Variants in UBL3 observed in about 807,000 individuals in gnomAD.
UBL3 encodes the protein ubiquitin like 3.
UBL3 carries 6 observed loss-of-function variants against 18.4 expected under a neutral mutation model. That is an observed-to-expected ratio of 0.33 (90% CI 0.18 to 0.64). UBL3 has a LOEUF of 0.64. Among genes scored for constraint, UBL3 ranks in the 30% least tolerant of loss-of-function variants. The pLI is 0.76. For missense variants in UBL3, 109 were observed against 142.9 expected, an observed-to-expected ratio of 0.76 and a Z score of 1.21; for synonymous variants, 49 against 46.6, an observed-to-expected ratio of 1.05 and a Z score of -0.21.
chr13:29,788,898 T>C (rs1337525812), intron 1 of UBL3, among the ~76,000 whole-genome samples: 100 of 17,678 alleles, frequency 5.7e-3, no homozygotes, highest in African/African-American at 0.016. Context: ...CGCACGTGTG[T>C]GCGTGTGTGT....
At chr13:29,769,645 T>G (rs1565987488) in intron 3 of UBL3, among the ~76,000 whole-genome samples, 2 of 152,114 alleles carry the variant, frequency 1.3e-5, no homozygotes, top group Admixed American at 1.3e-4. Context: ...AATGCTAATC[T>G]GGGCCATACT....
intron 1 of UBL3, among the ~76,000 whole-genome samples, chr13:29,833,924 A>G (rs1878850509): frequency 6.6e-6 from 1 of 152,186 alleles, no homozygotes; most frequent in Non-Finnish European, 1.5e-5. Context: ...GCAGTGGCTC[A>G]CGCCTGTAAT....
intron 1 of UBL3, 68 bp from the exon 2 acceptor site, chr13:29,777,331 G>A: frequency 7.9e-7 from 1 of 1,268,428 alleles, no homozygotes; most frequent in Non-Finnish European, 1.1e-6. Flanking sequence ...AAGACTCAAA[G>A]GCTTTTCATT....
intron 1 of UBL3, among the ~76,000 whole-genome samples, chr13:29,835,153 T>TATATATATATATATATATAA (rs1878921912): frequency 3.6e-4 from 11 of 30,498 alleles, no homozygotes; most frequent in Admixed American, 1.7e-3. Context: ...TATATATATA[T>TATATATATATATATATATAA]ATATATATAT....
chr13:29,839,744 G>A (rs889559536), intron 1 of UBL3, among the ~76,000 whole-genome samples: 18 of 152,112 alleles, frequency 1.2e-4, no homozygotes, highest in Non-Finnish European at 1.8e-4. Flanking sequence ...TGGCTAACAC[G>A]GTGAGACCCC....
chr13:29,821,113 C>T (rs1302455060), intron 1 of UBL3, among the ~76,000 whole-genome samples: 2 of 151,940 alleles, frequency 1.3e-5, no homozygotes, highest in Non-Finnish European at 1.5e-5. Flanking sequence ...AAAACAGTGC[C>T]CACCTGGGCA....
At chr13:29,812,197 A>G (rs886664593) in intron 1 of UBL3, among the ~76,000 whole-genome samples, 5 of 151,932 alleles carry the variant, frequency 3.3e-5, no homozygotes, top group African/African-American at 1.2e-4. Context: ...CCCCATGTAA[A>G]CCTTCCCTTT....
At chr13:29,801,792 C>T (rs760491743) in intron 1 of UBL3, among the ~76,000 whole-genome samples, 4 of 152,188 alleles carry the variant, frequency 2.6e-5, no homozygotes, top group Non-Finnish European at 5.9e-5. Context: ...GGCAGGGTTC[C>T]CTGGCTTGAG....
chr13:29,836,359 C>CAAATAAATAAAT (rs533801530), intron 1 of UBL3, among the ~76,000 whole-genome samples: 2 of 151,220 alleles, frequency 1.3e-5, no homozygotes, highest in Non-Finnish European at 2.9e-5. Context: ...AATAAATAAA[C>CAAATAAATAAAT]AAATAAATAA....
chr13:29,837,971 G>A (rs1879001456), intron 1 of UBL3, among the ~76,000 whole-genome samples: 1 of 140,452 alleles, frequency 7.1e-6, no homozygotes, highest in African/African-American at 2.7e-5. Flanking sequence ...AATGACAAAA[G>A]ATAGTAAGCC....
intron 1 of UBL3, among the ~76,000 whole-genome samples, chr13:29,842,019 T>A (rs1175126539): frequency 6.6e-6 from 1 of 152,302 alleles, no homozygotes; most frequent in East Asian, 1.9e-4. Flanking sequence ...AAACAAAGAC[T>A]GCTGAAAGAC....
chr13:29,819,027 G>T (rs1211114215), intron 1 of UBL3, among the ~76,000 whole-genome samples: 1 of 152,150 alleles, frequency 6.6e-6, no homozygotes, highest in African/African-American at 2.4e-5. Context: ...ATTTATGAAA[G>T]ATGTGGAATT....
At chr13:29,820,939 C>G (rs1245773004) in intron 1 of UBL3, among the ~76,000 whole-genome samples, 4 of 152,214 alleles carry the variant, frequency 2.6e-5, no homozygotes, top group African/African-American at 9.6e-5. Flanking sequence ...ATGATAGGCT[C>G]TGGAAACAGA....
intron 1 of UBL3, among the ~76,000 whole-genome samples, chr13:29,800,800 T>G (rs913633530): frequency 6.6e-6 from 1 of 152,184 alleles, no homozygotes; most frequent in African/African-American, 2.4e-5. Flanking sequence ...TGAACCTCCC[T>G]GGGATGGATC....
chr13:29,770,140 G>C (rs964949403), intron 3 of UBL3, among the ~76,000 whole-genome samples: 11 of 152,074 alleles, frequency 7.2e-5, no homozygotes, highest in African/African-American at 2.4e-4. Context: ...TTCCACACAG[G>C]CCACTCAAAT....
At chr13:29,842,540 AC>A (rs1879132804) in intron 1 of UBL3, among the ~76,000 whole-genome samples, 1 of 152,126 alleles carries the variant, frequency 6.6e-6, no homozygotes, top group African/African-American at 2.4e-5. Flanking sequence ...AACTTGTTTC[AC>A]CACAGATGCA....
At chr13:29,844,268 T>C (rs1262353686) in intron 1 of UBL3, among the ~76,000 whole-genome samples, 1 of 152,170 alleles carries the variant, frequency 6.6e-6, no homozygotes, top group African/African-American at 2.4e-5. Context: ...CTTTTCCCTT[T>C]TGGGGGACAA....
intron 1 of UBL3, among the ~76,000 whole-genome samples, chr13:29,812,065 A>C (rs959327765): frequency 6.6e-6 from 1 of 151,972 alleles, no homozygotes; most frequent in South Asian, 2.1e-4. Flanking sequence ...TCTAAATCTT[A>C]TCAATTTGTA....
chr13:29,835,487 G>C (rs1335109762), intron 1 of UBL3, among the ~76,000 whole-genome samples: 1 of 148,734 alleles, frequency 6.7e-6, no homozygotes, highest in African/African-American at 2.5e-5. Context: ...TGTAATCCTA[G>C]TAACTCCCAG....
Sources: gnomAD v4.1 joint callset for allele counts (sites outside exome capture counted in the v4.1 genomes callset) on GRCh38, gnomAD v4.1.1 for gene constraint, MANE v1.5 for transcripts, NCBI Gene and HGNC (gene_info 2026-07-23, HGNC 2026-07-21) for gene names.